The following CTNNA3 variants were observed in gnomAD, a reference collection of about 807,000 sequenced individuals.
The protein encoded by CTNNA3 is catenin alpha 3, also known as catenin alpha-3.
CTNNA3 carries 76 observed loss-of-function variants against 95.7 expected under a neutral mutation model. The observed-to-expected ratio is 0.79, with a 90% CI of 0.66 to 0.96. The LOEUF is 0.96. CTNNA3 is among the 40% of genes least tolerant of loss of function. The pLI, the probability that CTNNA3 is intolerant of heterozygous loss-of-function variation, is 0.00. For synonymous variants in CTNNA3, 431 were observed against 374.4 expected, an observed-to-expected ratio of 1.15 and a Z score of -1.74; for missense variants, 1,191 against 1,089.8, an observed-to-expected ratio of 1.09 and a Z score of -1.31.
intron 9 of CTNNA3, among the ~76,000 whole-genome samples, chr10:66,715,571 T>C (rs1168523196): frequency 2.6e-5 from 4 of 152,166 alleles, no homozygotes; most frequent in African/African-American, 9.6e-5. Flanking sequence ...TAATTTTTAA[T>C]GACAAATGAA....
At position 66,305,765 on chromosome 10, in the gene CTNNA3, T is replaced by C. The variant is rs532417716; in HGVS notation, c.1733-25144A>G. ...CTGATGCTACAGATTCAGAGAGGAT[T>C]GTCTTATTCTTAAAAAGGGAAAATG... On this transcript the variant is annotated intron_variant, in intron 12 of 17. Transcript: ENST00000433211. 1.5e-3 allele frequency among the ~76,000 whole-genome samples: 230 copies of C among 152,270 alleles called. 2 individuals are homozygous for C. Among genetic ancestry groups the C allele is most frequent in the Middle Eastern group, 6.8e-3 (2 of 294 alleles).
At chr10:67,283,962 C>T (rs1839498491) in intron 5 of CTNNA3, among the ~76,000 whole-genome samples, 1 of 152,148 alleles carries the variant, frequency 6.6e-6, no homozygotes, top group Non-Finnish European at 1.5e-5. Context: ...ACTGTGTATA[C>T]ACATTGAATA....
intron 7 of CTNNA3, among the ~76,000 whole-genome samples, chr10:67,135,728 T>C (rs1022940176): frequency 6.6e-6 from 1 of 152,092 alleles, no homozygotes; most frequent in Non-Finnish European, 1.5e-5. Flanking sequence ...AAGGGTAAGA[T>C]GATCATATAT....
chr10:67,353,599 G>C (rs565342982), intron 5 of CTNNA3, among the ~76,000 whole-genome samples: 1 of 151,908 alleles, frequency 6.6e-6, no homozygotes, highest in South Asian at 2.1e-4. Context: ...AAGGAGCTGA[G>C]AAAACAAGAT....
At chr10:66,943,200 GA>G (rs1335842346) in intron 7 of CTNNA3, among the ~76,000 whole-genome samples, 1 of 152,162 alleles carries the variant, frequency 6.6e-6, no homozygotes, top group Non-Finnish European at 1.5e-5. Flanking sequence ...GCAGAGACGA[GA>G]AAAGCTAGAA....
chr10:66,032,415 C>A (rs1485716536), intron 15 of CTNNA3, among the ~76,000 whole-genome samples: 1 of 152,020 alleles, frequency 6.6e-6, no homozygotes, highest in Non-Finnish European at 1.5e-5. Flanking sequence ...AGAATGCTTG[C>A]TACTAGTCAT....
chr10:66,690,853 G>A (rs956705586), intron 9 of CTNNA3, among the ~76,000 whole-genome samples: 1 of 152,154 alleles, frequency 6.6e-6, no homozygotes, highest in Non-Finnish European at 1.5e-5. Flanking sequence ...TGGGATGGCT[G>A]GGTCAAATGG....
chr10:67,045,755 AG>A (rs1261077858), intron 7 of CTNNA3, among the ~76,000 whole-genome samples: 1 of 152,120 alleles, frequency 6.6e-6, no homozygotes, highest in African/African-American at 2.4e-5. Context: ...TTTTTTTTAA[AG>A]AGGAGAAACC....
chr10:66,264,018 T>G (rs1236057162), intron 13 of CTNNA3, among the ~76,000 whole-genome samples: 5 of 151,984 alleles, frequency 3.3e-5, no homozygotes, highest in Admixed American at 2.6e-4. Flanking sequence ...TGTGTTTGCT[T>G]CTATATCATA....
chr10:67,566,988 A>C (rs1469312911), intron 3 of CTNNA3, among the ~76,000 whole-genome samples: 1 of 132,140 alleles, frequency 7.6e-6, no homozygotes, highest in African/African-American at 2.9e-5. Context: ...ACATGGACAC[A>C]GAAAGGGGAA....
intron 7 of CTNNA3, among the ~76,000 whole-genome samples, chr10:67,179,988 T>C (rs1358640336): frequency 2.6e-5 from 4 of 152,106 alleles, no homozygotes; most frequent in Non-Finnish European, 4.4e-5. Context: ...TCTGCCCCTC[T>C]CTTTATCTTC....
Position 65,920,098 on chromosome 10 carries a change from C to T in CTNNA3, c.*232G>A. The T allele has an allele frequency of 9.3e-6, 5 of 536,110 alleles. No individual in the cohort carries two copies. Among genetic ancestry groups the T allele is most frequent in the Non-Finnish European group, 1.3e-5 (4 of 301,570 alleles). 33.2% of individuals were successfully genotyped at this position (536,110 alleles called of 1,614,324 possible). A position where few individuals can be genotyped will look rare whatever the true frequency, so the allele number is the denominator to read the frequency against. Reference sequence around the variant, plus strand: ...AACGCTGAATGACACGTGATAATTTCATTCATTCAACAAGCAAATATTCCT... The same window carrying T: ...AACGCTGAATGACACGTGATAATTTTATTCATTCAACAAGCAAATATTCCT... On this transcript the variant is annotated 3_prime_UTR_variant, in exon 18 of 18. Coordinates refer to ENST00000433211, the MANE Select transcript of CTNNA3 (RefSeq NM_013266.4).
At chr10:66,811,276 G>GA (rs1401254758) in intron 7 of CTNNA3, among the ~76,000 whole-genome samples, 9 of 152,144 alleles carry the variant, frequency 5.9e-5, no homozygotes, top group African/African-American at 2.2e-4. Context: ...ATCCTGGGAG[G>GA]ACTAGCAACA....
intron 7 of CTNNA3, among the ~76,000 whole-genome samples, chr10:67,116,866 C>CAT (rs1446179598): frequency 1.3e-5 from 2 of 151,238 alleles, no homozygotes; most frequent in African/African-American, 4.9e-5. Flanking sequence ...CATGTATATG[C>CAT]ATATATATTG....
intron 1 of CTNNA3, among the ~76,000 whole-genome samples, chr10:67,727,823 T>C (rs1171404359): frequency 1.3e-4 from 17 of 129,696 alleles, no homozygotes; most frequent in East Asian, 6.2e-4. Flanking sequence ...TATCATATAT[T>C]ATATTACATA....
intron 7 of CTNNA3, among the ~76,000 whole-genome samples, chr10:66,849,266 G>C (rs1047463051): frequency 6.6e-6 from 1 of 152,090 alleles, no homozygotes; most frequent in African/African-American, 2.4e-5. Flanking sequence ...GAAATAATCA[G>C]GCTGACAAGC....
intron 3 of CTNNA3, among the ~76,000 whole-genome samples, chr10:67,559,509 C>A (rs556384681): frequency 6.6e-6 from 1 of 152,146 alleles, no homozygotes; most frequent in African/African-American, 2.4e-5. Context: ...TCATCAAAGA[C>A]CAAAAGTAGA....
At chr10:67,305,288 G>A (rs368047982) in intron 5 of CTNNA3, among the ~76,000 whole-genome samples, 55 of 149,690 alleles carry the variant, frequency 3.7e-4, no homozygotes, top group Non-Finnish European at 5.5e-4. Context: ...TGGGTGCAGC[G>A]CACCAGCATG....
intron 9 of CTNNA3, among the ~76,000 whole-genome samples, chr10:66,633,509 T>C (rs1402507091): frequency 6.6e-6 from 1 of 151,920 alleles, no homozygotes; most frequent in Admixed American, 6.6e-5. Flanking sequence ...TGAAACCCCG[T>C]CTCTACTAAA....
Sources: allele counts gnomAD v4.1 joint callset (sites outside exome capture counted in the v4.1 genomes callset), GRCh38; gene constraint gnomAD v4.1.1; transcripts MANE v1.5; gene names NCBI Gene and HGNC (gene_info 2026-07-23, HGNC 2026-07-21).